Variants in ABI2 observed in about 807,000 individuals in gnomAD.
ABI2 encodes abelson interactor 2.
Under a neutral mutation model 59.2 loss-of-function variants are expected in ABI2, and 25 were observed. The ratio of observed to expected loss-of-function variants is 0.42; its 90% confidence interval spans 0.31 to 0.59. The LOEUF (loss-of-function observed/expected upper bound fraction) is 0.59, where lower values mean the gene tolerates loss of function less well. Among genes scored for constraint, ABI2 ranks in the 20% least tolerant of loss-of-function variants. ABI2 has a pLI of 0.14. For synonymous variants in ABI2, 213 were observed against 235.5 expected, an observed-to-expected ratio of 0.90 and a Z score of 0.87; for missense variants, 545 against 681.8, an observed-to-expected ratio of 0.80 and a Z score of 2.23.
chr2:203,411,310 C>T lies in ABI2; in HGVS notation c.1218C>T (p.Ser406=), dbSNP rs765970080. 72 of 1,613,658 alleles carry T rather than the reference C, an allele frequency of 4.5e-5. No individual in the cohort carries two copies. Among genetic ancestry groups the T allele is most frequent in the Non-Finnish European group, 5.8e-5 (69 of 1,179,780 alleles). Residue 406 remains serine, a synonymous_variant, in exon 10 of 12, where the codon TCC becomes TCT. Transcript: ENST00000261018. ...TATCTCTTGCTCCTCCTCCTCCCTCCATCCTACAGGTAACTCCTCAGTTAC... is the reference window on the plus strand; with the variant it reads ...TATCTCTTGCTCCTCCTCCTCCCTCTATCCTACAGGTAACTCCTCAGTTAC... ...NPVSLAPPPP[S]ILQVTPQLPL...
chr2:203,330,751 A>G (rs1264575988), intron 1 of ABI2, among the ~76,000 whole-genome samples: 2 of 152,224 alleles, frequency 1.3e-5, no homozygotes, highest in Non-Finnish European at 2.9e-5. Flanking sequence ...AGAAATAAAA[A>G]ATAAACAGAT....
chr2:203,425,441 G>C (rs1049598573), intron 11 of ABI2, among the ~76,000 whole-genome samples: 1 of 152,028 alleles, frequency 6.6e-6, no homozygotes, highest in African/African-American at 2.4e-5. Flanking sequence ...GATGTCAGCA[G>C]TCTGCCTGCC....
intron 1 of ABI2, among the ~76,000 whole-genome samples, chr2:203,338,261 G>T (rs1324450936): frequency 6.6e-6 from 1 of 152,198 alleles, no homozygotes; most frequent in Non-Finnish European, 1.5e-5. Flanking sequence ...AAATTAGCTA[G>T]AAATGGATTA....
At chr2:203,421,483 A>T (rs1351779029) in intron 11 of ABI2, among the ~76,000 whole-genome samples, 1 of 152,202 alleles carries the variant, frequency 6.6e-6, no homozygotes, top group Admixed American at 6.5e-5. Flanking sequence ...CAGTGGAGTA[A>T]TTCTTTTAAT....
intron 5 of ABI2, among the ~76,000 whole-genome samples, chr2:203,392,374 C>G (rs1030243313): frequency 7.1e-6 from 1 of 141,568 alleles, no homozygotes; most frequent in African/African-American, 2.6e-5. Flanking sequence ...AAAACCGAAA[C>G]CCAATCAAGC....
chr2:203,350,802 T>C (rs961746293), intron 1 of ABI2, among the ~76,000 whole-genome samples: 2 of 152,054 alleles, frequency 1.3e-5, no homozygotes, highest in Non-Finnish European at 2.9e-5. Flanking sequence ...CCTCCCAAAG[T>C]GCTGGGATTA....
rs550895972 is a variant in ABI2, at chr2:203,374,589, C to T, written c.286-5619C>T. On this transcript the variant is annotated intron_variant, in intron 2 of 11. Coordinates refer to ENST00000261018, the MANE Select transcript of ABI2 (RefSeq NM_001375670.1). Reference sequence around the variant, plus strand: ...TACGTAATTATGCATAGAAAGTAGACTTTTTATACTTCCCAATTAATTTCC... The same window carrying T: ...TACGTAATTATGCATAGAAAGTAGATTTTTTATACTTCCCAATTAATTTCC... Among the ~76,000 whole-genome samples the T allele has an allele frequency of 1.1e-4, 17 of 150,546 alleles. No homozygotes were observed. In the East Asian group the frequency reaches 3.3e-3, roughly 29 times the overall value.
At chr2:203,336,578 G>C (rs1344240322) in intron 1 of ABI2, among the ~76,000 whole-genome samples, 2 of 152,200 alleles carry the variant, frequency 1.3e-5, no homozygotes, top group Admixed American at 1.3e-4. Context: ...CTTTTAGGTA[G>C]TAGCTGCAGG....
chr2:203,411,350 G>T lies in ABI2; in HGVS notation c.1258G>T (p.Val420Leu). 2 of 1,613,260 alleles carry T rather than the reference G, an allele frequency of 1.2e-6. No homozygotes were observed. Among genetic ancestry groups the T allele is most frequent in the Non-Finnish European group, 1.7e-6 (2 of 1,179,498 alleles). Residue 420 changes from valine (V) to leucine (L), a missense_variant, in exon 10 of 12, where the codon GTG (valine) becomes TTG (leucine). By Grantham distance (32) the Val-to-Leu change is conservative (BLOSUM62 1). Transcript: ENST00000261018. ...TCCTCAGTTACCTTTAATGGGATTT[G>T]TGGCCAGAGTCCAAGAAAATAGTAA... The part of the protein sequence containing the change: ...VTPQLPLMGF[V>L]ARVQENISDT...
chr2:203,396,967 G>T lies in ABI2; in HGVS notation c.1033G>T (p.Gly345Cys). 2 of 1,482,800 alleles carry T rather than the reference G, an allele frequency of 1.3e-6. No homozygotes were observed. The highest frequency in any genetic ancestry group is 1.3e-5 in the South Asian group (1 of 75,804). The allele number at this position is 1,482,800 out of a possible 1,614,324, so 91.9% of individuals were successfully genotyped here. A position where few individuals can be genotyped will look rare whatever the true frequency, so the allele number is the denominator to read the frequency against. ...TGTTGTTTCTTCCACTCCCCCTACA[G>T]GTAAGTATTTGCTTATTCATTGGCA... ...PPVVSSTPPT[G>C]HPVQFYSMNR... Residue 345 changes from glycine (G) to cysteine (C), a missense_variant and splice_region_variant, in exon 8 of 12, where the codon GGT (glycine) becomes TGT (cysteine). Physicochemically the swap from Gly to Cys is radical, Grantham distance 159. This residue lies in a region of ABI2 where 410 missense variants were observed against 435.6 expected (regional missense o/e 0.94). Coordinates refer to ENST00000261018, the MANE Select transcript of ABI2 (RefSeq NM_001375670.1).
In ABI2 at chr2:203,431,660, A is replaced by G. The variant is rs2098484486; in HGVS notation, c.*4308A>G. On this transcript the variant is annotated 3_prime_UTR_variant, in exon 12 of 12. Transcript: ENST00000261018. ...TTACCTTTAAGTTTACTTTGTGCTG[A>G]CCTTTGTTCCTGTTTTGAGAATCTC... is the stretch of plus-strand genomic sequence containing the variant. 1 of 151,712 alleles carries G rather than the reference A, an allele frequency of 6.6e-6. No homozygotes were observed. Among genetic ancestry groups the G allele is most frequent in the African/African-American group, 2.4e-5 (1 of 41,258 alleles). The allele number at this position is 151,712 out of a possible 1,614,324, so 9.4% of individuals were successfully genotyped here. A position where few individuals can be genotyped will look rare whatever the true frequency, so the allele number is the denominator to read the frequency against.
intron 11 of ABI2, among the ~76,000 whole-genome samples, chr2:203,418,961 C>G (rs996688785): frequency 6.6e-6 from 1 of 152,064 alleles, no homozygotes; most frequent in Non-Finnish European, 1.5e-5. Flanking sequence ...ATATTACATA[C>G]AGAGGAACAA....
chr2:203,403,753 T>G (rs1272634986), intron 9 of ABI2, among the ~76,000 whole-genome samples: 3 of 145,902 alleles, frequency 2.1e-5, no homozygotes, highest in African/African-American at 7.5e-5. Context: ...TTTTTTTTTT[T>G]TTTTTTTTTT....
At chr2:203,427,149 C>G in intron 11 of ABI2, 28 bp from the exon 12 acceptor site, 1 of 1,599,982 alleles carries the variant, frequency 6.3e-7, no homozygotes. Flanking sequence ...CTGTCTTTCA[C>G]ATCCTGTTTT....
chr2:203,375,078 A>G (rs1006498397), intron 2 of ABI2, among the ~76,000 whole-genome samples: 67 of 152,208 alleles, frequency 4.4e-4, no homozygotes, highest in Admixed American at 4.2e-3. Flanking sequence ...ATCCTTAAGG[A>G]ACCTGGGTTT....
chr2:203,363,161 A>G (rs67984897), intron 1 of ABI2, among the ~76,000 whole-genome samples: 4 of 111,552 alleles, frequency 3.6e-5, no homozygotes, highest in Non-Finnish European at 7.8e-5. Context: ...TTAAAAAAAA[A>G]TTTTTCGTGA....
intron 8 of ABI2, among the ~76,000 whole-genome samples, chr2:203,397,989 C>T (rs1176260406): frequency 6.6e-6 from 1 of 152,232 alleles, no homozygotes; most frequent in Non-Finnish European, 1.5e-5. Context: ...TACAATTCAA[C>T]ATGAGATTTG....
At chr2:203,397,933 G>C (rs2097071315) in intron 8 of ABI2, among the ~76,000 whole-genome samples, 1 of 152,178 alleles carries the variant, frequency 6.6e-6, no homozygotes, top group Admixed American at 6.5e-5. Context: ...AACCGCCCTT[G>C]TGATCCAGTC....
chr2:203,424,178 C>G (rs931270947), intron 11 of ABI2, among the ~76,000 whole-genome samples: 1 of 152,166 alleles, frequency 6.6e-6, no homozygotes, highest in African/African-American at 2.4e-5. Context: ...TTACATTTCT[C>G]AACATCGGTA....
Sources: allele counts gnomAD v4.1 joint callset (sites outside exome capture counted in the v4.1 genomes callset), GRCh38; gene constraint gnomAD v4.1.1; regional missense constraint gnomAD v4.1.1; transcripts MANE v1.5; gene names NCBI Gene and HGNC (gene_info 2026-07-23, HGNC 2026-07-21).